STK10: variants seen among roughly 807,000 people sequenced by gnomAD.
The protein encoded by STK10 is serine/threonine-protein kinase 10.
In STK10, 78 loss-of-function variants were observed where a neutral mutation model predicts 113.8. That is an observed-to-expected ratio of 0.69 (90% CI 0.57 to 0.83). The LOEUF (loss-of-function observed/expected upper bound fraction) is 0.83. Among genes scored for constraint, STK10 ranks in the 40% least tolerant of loss-of-function variants. STK10 has a pLI of 0.00. For synonymous variants in STK10, 465 were observed against 494.7 expected (o/e 0.94, Z 0.80); for missense variants, 1,109 against 1,280.1 (o/e 0.87, Z 2.04).
At chr5:172,181,577 G>A (rs1232966790) in intron 1 of STK10, among the ~76,000 whole-genome samples, 1 of 149,292 alleles carries the variant, frequency 6.7e-6, no homozygotes, top group African/African-American at 2.5e-5. Flanking sequence ...CCACCTCCCA[G>A]GTTCAAGCGA....
At chr5:172,126,700 TG>T (rs768520723) in intron 3 of STK10, among the ~76,000 whole-genome samples, 2 of 152,252 alleles carry the variant, frequency 1.3e-5, no homozygotes, top group Non-Finnish European at 2.9e-5. Context: ...AACATTTCAC[TG>T]TGATCATCGT....
At chr5:172,174,044 GC>G (rs1294688857) in intron 1 of STK10, among the ~76,000 whole-genome samples, 1 of 152,158 alleles carries the variant, frequency 6.6e-6, no homozygotes, top group Admixed American at 6.5e-5. Context: ...TAACCACAAT[GC>G]GGCCTCCCGA....
chr5:172,187,376 C>T lies in STK10; in HGVS notation c.156+511G>A, dbSNP rs1770969757. Reference sequence around the variant, plus strand: ...AGTCCATGGGCCACCCCTCGCCCACCCCACTTCCCTGTCTCTGGCTCATCT... The same window carrying T: ...AGTCCATGGGCCACCCCTCGCCCACTCCACTTCCCTGTCTCTGGCTCATCT... On this transcript the variant is annotated intron_variant, in intron 1 of 18. Coordinates refer to ENST00000176763, the MANE Select transcript of STK10 (RefSeq NM_005990.4). This position sits in a 1 kb window ranked among gnomAD's most constrained non-coding sequence, Gnocchi z 4.6. 6.6e-6 allele frequency among the ~76,000 whole-genome samples: 1 copy of T among 152,176 alleles called. No individual in the cohort carries two copies. The highest frequency in any genetic ancestry group is 2.4e-5 in the African/African-American group (1 of 41,432).
intron 8 of STK10, among the ~76,000 whole-genome samples, chr5:172,094,588 C>G (rs1208200629): frequency 6.6e-6 from 1 of 152,080 alleles, no homozygotes; most frequent in Non-Finnish European, 1.5e-5. Context: ...TTCAGTATGT[C>G]ACCCAGGCTG....
intron 6 of STK10, among the ~76,000 whole-genome samples, chr5:172,106,185 C>T (rs951317046): frequency 3.0e-4 from 46 of 151,818 alleles, no homozygotes; most frequent in African/African-American, 1.1e-3. Flanking sequence ...CCGAGGCAGA[C>T]GGATCCCTTG....
intron 2 of STK10, among the ~76,000 whole-genome samples, chr5:172,136,113 A>G (rs751134154): frequency 2.0e-5 from 3 of 152,176 alleles, no homozygotes; most frequent in Non-Finnish European, 4.4e-5. Context: ...GAAATGAAAA[A>G]GGGGACACAT....
chr5:172,052,867 G>T, intron 18 of STK10, 62 bp downstream of exon 18: 2 of 1,522,668 alleles, frequency 1.3e-6, no homozygotes, highest in Non-Finnish European at 1.8e-6. Context: ...GTCCTGGCCA[G>T]AGGCCTGTGC....
chr5:172,156,768 ACCCGTCTCCTTATTCTT>A lies in STK10; in HGVS notation c.160_176del (p.Lys54CysfsTer9), dbSNP rs747663937. 6.2e-7 allele frequency: 1 copy of A among 1,613,826 alleles called. No individual in the cohort carries two copies. The highest frequency in any genetic ancestry group is 8.5e-7 in the Non-Finnish European group (1 of 1,179,758). On this transcript the variant is annotated frameshift_variant, in exon 2 of 19. Transcript: ENST00000176763. LOFTEE classifies it high-confidence loss of function. ...CAATGACTTTGGCCGCAGCCAAAGC[ACCCGTCTCCTTATTCTT>A]GGCCTGCAAAGAGGAGATACAGGAG...
intron 7 of STK10, among the ~76,000 whole-genome samples, chr5:172,101,967 G>T (rs1045754263): frequency 2.0e-4 from 30 of 150,832 alleles, no homozygotes; most frequent in African/African-American, 6.9e-4. Context: ...GGTCAGCAGG[G>T]TGGGGGGGGC....
At chr5:172,131,032 G>GTT (rs773484183) in intron 2 of STK10, among the ~76,000 whole-genome samples, 1,681 of 109,492 alleles carry the variant, frequency 0.015, 105 homozygotes, top group African/African-American at 0.045. Context: ...GCCATCAGCT[G>GTT]TTTTTTTTTT....
chr5:172,137,176 G>A (rs1162153026), intron 2 of STK10, among the ~76,000 whole-genome samples: 1 of 152,074 alleles, frequency 6.6e-6, no homozygotes. Context: ...AACTATAAAC[G>A]TCTTAGGGCT....
chr5:172,106,731 G>A lies in STK10; in HGVS notation c.677C>T (p.Thr226Met), dbSNP rs778462979. Reference protein sequence around the residue: ...YKADIWSLGITLIEMAQIEPP... With the variant: ...YKADIWSLGIMLIEMAQIEPP... ...CTCGATCTGGGCCATCTCAATCAGC[G>A]TGATGCCCAGGGACCAGATGTCGGC... The change falls in exon 6 of 19, where the codon ACG becomes ATG. Residue 226 changes from threonine (T) to methionine (M), a missense_variant. Physicochemically the swap from Thr to Met is moderately conservative, Grantham distance 81. This residue lies in a region of STK10 where 885 missense variants were observed against 991.1 expected (regional missense o/e 0.89). Coordinates refer to ENST00000176763, the MANE Select transcript of STK10 (RefSeq NM_005990.4). 9 of 1,614,192 alleles carry A rather than the reference G, an allele frequency of 5.6e-6. No individual in the cohort carries two copies. The highest frequency in any genetic ancestry group is 1.1e-5 in the South Asian group (1 of 91,086).
chr5:172,167,164 A>AAG (rs1266209904), intron 1 of STK10, among the ~76,000 whole-genome samples: 9 of 151,784 alleles, frequency 5.9e-5, no homozygotes, highest in African/African-American at 1.9e-4. Flanking sequence ...GTCTCAAAAA[A>AAG]AAAAAAAGAA....
intron 10 of STK10, 68 bp downstream of exon 10, chr5:172,090,164 A>G: frequency 6.3e-7 from 1 of 1,585,130 alleles, no homozygotes; most frequent in Non-Finnish European, 8.6e-7. Flanking sequence ...TCACCAAAGG[A>G]CCAATGCCCA....
rs943525169 is a variant in STK10, at chr5:172,055,974, A to G, written c.2338-198T>C. 2.6e-5 allele frequency among the ~76,000 whole-genome samples: 4 copies of G among 152,334 alleles called. No homozygotes were observed. The South Asian group carries it at 8.3e-4, about 32-fold the overall frequency. Reference sequence around the variant, plus strand: ...CTCACTTTAAAAATTCTTGTTAATAATATCTTGGATTCTTACCTTCTAAAT... The same window carrying G: ...CTCACTTTAAAAATTCTTGTTAATAGTATCTTGGATTCTTACCTTCTAAAT... On this transcript the variant is annotated intron_variant, in intron 15 of 18. Coordinates refer to ENST00000176763, the MANE Select transcript of STK10 (RefSeq NM_005990.4).
intron 3 of STK10, among the ~76,000 whole-genome samples, chr5:172,121,939 C>A (rs1769520525): frequency 6.6e-6 from 1 of 151,390 alleles, no homozygotes; most frequent in Non-Finnish European, 1.5e-5. Context: ...GATCTTGGCT[C>A]ACTGCAACCT....
intron 7 of STK10, among the ~76,000 whole-genome samples, chr5:172,103,544 C>T (rs1378705593): frequency 6.6e-6 from 1 of 152,080 alleles, no homozygotes. Flanking sequence ...AAACAATTGG[C>T]CCCAAGCGGC....
chr5:172,170,673 A>G (rs893847241), intron 1 of STK10, among the ~76,000 whole-genome samples: 2 of 152,248 alleles, frequency 1.3e-5, no homozygotes, highest in African/African-American at 4.8e-5. Context: ...TGGCCCAAAG[A>G]TACCAAGTCT....
intron 1 of STK10, among the ~76,000 whole-genome samples, chr5:172,160,522 A>C (rs1446064305): frequency 6.6e-6 from 1 of 152,060 alleles, no homozygotes; most frequent in Non-Finnish European, 1.5e-5. Context: ...TGGAGACCTT[A>C]AACAGCAATC....
Sources: allele counts gnomAD v4.1 joint callset (sites outside exome capture counted in the v4.1 genomes callset), GRCh38; gene constraint gnomAD v4.1.1; regional missense constraint gnomAD v4.1.1; non-coding constraint Gnocchi (gnomAD v3.1); transcripts MANE v1.5; gene names NCBI Gene and HGNC (gene_info 2026-07-23, HGNC 2026-07-21).